SDK1: variants seen among roughly 807,000 people sequenced by gnomAD.
SDK1 encodes the protein sidekick cell adhesion molecule 1.
In SDK1, 157 loss-of-function variants were observed where a neutral mutation model predicts 245.5. The observed-to-expected ratio is 0.64, with a 90% CI of 0.56 to 0.73. The LOEUF (loss-of-function observed/expected upper bound fraction) is 0.73. Among genes scored for constraint, SDK1 ranks in the 30% least tolerant of loss-of-function variants. The pLI is 0.00. For synonymous variants in SDK1, 1,647 were observed against 1,278.5 expected, an observed-to-expected ratio of 1.29 and a Z score of -6.15; for missense variants, 3,583 against 3,002.3, an observed-to-expected ratio of 1.19 and a Z score of -4.52.
chr7:3,627,864 C>G (rs796542278), intron 2 of SDK1, among the ~76,000 whole-genome samples: 3 of 152,328 alleles, frequency 2.0e-5, no homozygotes, highest in African/African-American at 7.2e-5. Context: ...CCCCATTGGG[C>G]TATTTACATA....
chr7:3,806,060 A>C (rs1381092163), intron 4 of SDK1, among the ~76,000 whole-genome samples: 1 of 152,168 alleles, frequency 6.6e-6, no homozygotes, highest in African/African-American at 2.4e-5. Context: ...GTCAAAGACA[A>C]GGAAAGACTG....
chr7:3,553,263 T>C (rs574176513), intron 1 of SDK1, among the ~76,000 whole-genome samples: 80 of 152,184 alleles, frequency 5.3e-4, no homozygotes, highest in Non-Finnish European at 8.5e-4. Context: ...GAGGCAGTTA[T>C]TTTCCAATGA....
chr7:3,887,650 C>T (rs1349631088), intron 5 of SDK1, among the ~76,000 whole-genome samples: 6 of 152,248 alleles, frequency 3.9e-5, no homozygotes, highest in African/African-American at 1.2e-4. Context: ...GTCATTTTCC[C>T]CTGGCCTGAT....
chr7:4,038,362 A>G (rs1275729573), intron 17 of SDK1, among the ~76,000 whole-genome samples: 1 of 149,898 alleles, frequency 6.7e-6, no homozygotes, highest in Non-Finnish European at 1.5e-5. Context: ...TGACCGGGGC[A>G]AACAATTGAA....
chr7:4,235,577 T>G (rs1786107020), intron 41 of SDK1, among the ~76,000 whole-genome samples: 1 of 152,242 alleles, frequency 6.6e-6, no homozygotes, highest in Admixed American at 6.5e-5. Flanking sequence ...TGAGGAACCC[T>G]CAGCACCCCT....
chr7:4,149,592 T>A, intron 30 of SDK1, 129 bp downstream of exon 30: 1 of 559,666 alleles, frequency 1.8e-6, no homozygotes, highest in Non-Finnish European at 2.9e-6. Context: ...GCCCCCTTTC[T>A]TTTTGACACT....
intron 1 of SDK1, among the ~76,000 whole-genome samples, chr7:3,358,249 C>T (rs1359445748): frequency 3.3e-5 from 5 of 151,916 alleles, no homozygotes; most frequent in East Asian, 1.9e-4. Context: ...TTTGAACTCC[C>T]GACCTCAAGT....
chr7:3,625,666 AT>A (rs1245224527), intron 2 of SDK1, among the ~76,000 whole-genome samples: 1 of 152,216 alleles, frequency 6.6e-6, no homozygotes, highest in African/African-American at 2.4e-5. Context: ...AGAGGAAATT[AT>A]TTATCAGCTC....
At chr7:3,834,123 G>A (rs1389124491) in intron 5 of SDK1, among the ~76,000 whole-genome samples, 1 of 152,188 alleles carries the variant, frequency 6.6e-6, no homozygotes, top group Non-Finnish European at 1.5e-5. Context: ...CCAAGGGAAG[G>A]GTTGAAGTAT....
chr7:3,627,204 C>T (rs1242579232), intron 2 of SDK1, among the ~76,000 whole-genome samples: 1 of 152,168 alleles, frequency 6.6e-6, no homozygotes, highest in Non-Finnish European at 1.5e-5. Context: ...GCTGAGATTA[C>T]AGGCGTGAGC....
intron 1 of SDK1, among the ~76,000 whole-genome samples, chr7:3,349,761 G>A (rs1780608341): frequency 7.9e-6 from 1 of 127,190 alleles, no homozygotes; most frequent in Admixed American, 7.6e-5. Context: ...CACCACGCCT[G>A]GTTAATTTTT....
intron 1 of SDK1, among the ~76,000 whole-genome samples, chr7:3,498,324 C>A (rs1782087082): frequency 6.6e-6 from 1 of 152,158 alleles, no homozygotes; most frequent in East Asian, 1.9e-4. Context: ...GGTTCTAGGA[C>A]TTCAAAAAGT....
intron 1 of SDK1, among the ~76,000 whole-genome samples, chr7:3,455,406 A>G (rs751356294): frequency 2.2e-4 from 32 of 144,544 alleles, no homozygotes; most frequent in Middle Eastern, 3.7e-3. Flanking sequence ...TAAAAGTTCT[A>G]TAGTTTTAAG....
chr7:3,846,035 A>G (rs1040148039), intron 5 of SDK1, among the ~76,000 whole-genome samples: 20 of 152,190 alleles, frequency 1.3e-4, no homozygotes, highest in African/African-American at 4.8e-4. Flanking sequence ...ACACATATGT[A>G]TTTCTGTTTG....
At chr7:3,813,261 C>T (rs911006673) in intron 4 of SDK1, among the ~76,000 whole-genome samples, 1 of 119,694 alleles carries the variant, frequency 8.4e-6, no homozygotes, top group African/African-American at 3.1e-5. Context: ...TCCCTCCCCC[C>T]TCCCCCCACC....
At chr7:3,801,742 G>C (rs1023037847) in intron 4 of SDK1, among the ~76,000 whole-genome samples, 1 of 152,230 alleles carries the variant, frequency 6.6e-6, no homozygotes, top group Middle Eastern at 3.4e-3. Flanking sequence ...GGCCTCCTTT[G>C]GCCCTTGGAA....
chr7:3,964,867 C>T (rs953597918), intron 9 of SDK1, among the ~76,000 whole-genome samples: 10 of 152,106 alleles, frequency 6.6e-5, no homozygotes, highest in African/African-American at 2.2e-4. Flanking sequence ...ACTAGGGGTC[C>T]CTTCCTTGAA....
chr7:3,727,233 T>G (rs1275388795), intron 4 of SDK1, among the ~76,000 whole-genome samples: 1 of 152,220 alleles, frequency 6.6e-6, no homozygotes, highest in Non-Finnish European at 1.5e-5. Flanking sequence ...CATGTTACTT[T>G]TAGTTTAAAA....
chr7:4,016,349 C>T (rs1178997594), intron 16 of SDK1, among the ~76,000 whole-genome samples: 1 of 152,210 alleles, frequency 6.6e-6, no homozygotes, highest in Non-Finnish European at 1.5e-5. Flanking sequence ...TGGGCATGCC[C>T]CTGGCTTTAC....
Sources: allele counts gnomAD v4.1 joint callset (sites outside exome capture counted in the v4.1 genomes callset), GRCh38; gene constraint gnomAD v4.1.1; transcripts MANE v1.5; gene names NCBI Gene and HGNC (gene_info 2026-07-23, HGNC 2026-07-21).